Variants in GABRA5 observed in about 807,000 individuals in gnomAD.
GABRA5 encodes the protein gamma-aminobutyric acid receptor subunit alpha-5.
In GABRA5, 18 loss-of-function variants were observed where a neutral mutation model predicts 47.3. That is an observed-to-expected ratio of 0.38 (90% confidence interval 0.26 to 0.56). GABRA5 has a LOEUF of 0.56. Ranked by LOEUF, GABRA5 falls within the 20% of genes least tolerant of loss-of-function variation. The pLI is 0.71. For missense variants in GABRA5, 365 were observed against 599.3 expected (o/e 0.61, Z 4.08); for synonymous variants, 237 against 229.3 (o/e 1.03, Z -0.30).
chr15:26,892,012 C>G, intron 6 of GABRA5, among the ~76,000 whole-genome samples: 1 of 152,196 alleles, frequency 6.6e-6, no homozygotes, highest in East Asian at 1.9e-4. Context: ...GAGCAGCCAC[C>G]GCCTGGCAGG....
chr15:26,913,335 G>T (rs910789210), intron 6 of GABRA5, among the ~76,000 whole-genome samples: 53 of 152,120 alleles, frequency 3.5e-4, no homozygotes, highest in African/African-American at 1.2e-3. Flanking sequence ...TCGTATCTTT[G>T]ATGGACACAG....
chr15:26,897,231 C>T (rs1010166710), intron 6 of GABRA5, among the ~76,000 whole-genome samples: 2 of 151,962 alleles, frequency 1.3e-5, no homozygotes, highest in African/African-American at 2.4e-5. Context: ...CTGCATTTGG[C>T]GAAGGGGTTC....
intron 7 of GABRA5, among the ~76,000 whole-genome samples, chr15:26,916,461 T>C (rs1441535602): frequency 6.6e-6 from 1 of 152,214 alleles, no homozygotes; most frequent in Non-Finnish European, 1.5e-5. Context: ...TGTGCCATAC[T>C]GTTTTAATTG....
At chr15:26,945,067 A>T (rs558855262) in intron 10 of GABRA5, among the ~76,000 whole-genome samples, 7 of 152,306 alleles carry the variant, frequency 4.6e-5, no homozygotes, top group African/African-American at 1.4e-4. Context: ...GATGAAAGTG[A>T]CCTGCACTGT....
intron 6 of GABRA5, among the ~76,000 whole-genome samples, chr15:26,909,275 A>G (rs935227865): frequency 2.6e-5 from 4 of 152,178 alleles, no homozygotes; most frequent in Non-Finnish European, 4.4e-5. Flanking sequence ...TTCCTCTTCT[A>G]CGTGGCCTCG....
chr15:26,892,625 G>A (rs1893036015), intron 6 of GABRA5, among the ~76,000 whole-genome samples: 2 of 152,252 alleles, frequency 1.3e-5, no homozygotes, highest in South Asian at 4.1e-4. Context: ...AATACCCATT[G>A]CTAATCTAAA....
intron 7 of GABRA5, among the ~76,000 whole-genome samples, chr15:26,919,361 T>C (rs1404247881): frequency 1.3e-5 from 2 of 152,096 alleles, no homozygotes; most frequent in Non-Finnish European, 2.9e-5. Flanking sequence ...TTATTTTTTT[T>C]GTATTGATAT....
chr15:26,871,627 A>C (rs1349471375), intron 3 of GABRA5, among the ~76,000 whole-genome samples: 1 of 152,094 alleles, frequency 6.6e-6, no homozygotes, highest in Non-Finnish European at 1.5e-5. Flanking sequence ...CATGCTTCCC[A>C]TTTGGTGCAC....
At chr15:26,905,505 G>A (rs550659021) in intron 6 of GABRA5, among the ~76,000 whole-genome samples, 31 of 151,942 alleles carry the variant, frequency 2.0e-4, no homozygotes, top group African/African-American at 7.5e-4. Flanking sequence ...AGTTTATTGA[G>A]TTTCTTTTCC....
Position 26,883,255 on chromosome 15 carries a change from G to A in GABRA5, c.276+22G>A, listed in dbSNP as rs761065380. 23 of 1,613,468 alleles carry A rather than the reference G, an allele frequency of 1.4e-5. No homozygotes were observed. The highest frequency in any genetic ancestry group is 1.9e-5 in the Non-Finnish European group (22 of 1,179,438). Reference sequence around the variant, plus strand: ...AATGGTAGGTCCCGGGGCATGGCTGGGCAGACAATTCTTACTCCGCGCCGC... The same window carrying A: ...AATGGTAGGTCCCGGGGCATGGCTGAGCAGACAATTCTTACTCCGCGCCGC... On this transcript the variant is annotated intron_variant, in intron 5 of 10. Transcript: ENST00000335625. The surrounding 1 kb of genome is among the most constrained non-coding windows in gnomAD (Gnocchi z 4.8).
intron 3 of GABRA5, among the ~76,000 whole-genome samples, 193 bp downstream of exon 3, chr15:26,869,527 C>A (rs150314153): frequency 6.6e-6 from 1 of 152,118 alleles, no homozygotes; most frequent in Non-Finnish European, 1.5e-5. Context: ...CTGCTCCTCA[C>A]GTGGGGTCTC....
chr15:26,901,503 G>C (rs1433852619), intron 6 of GABRA5, among the ~76,000 whole-genome samples: 1 of 151,914 alleles, frequency 6.6e-6, no homozygotes, highest in East Asian at 1.9e-4. Flanking sequence ...TTTTTAATTG[G>C]GTTGTTTTCT....
In GABRA5 at chr15:26,883,233, G is replaced by T. The variant is rs1270424788; in HGVS notation, c.276G>T (p.Met92Ile). The change falls in exon 5 of 11, where the codon ATG (methionine) becomes ATT (isoleucine). Residue 92 changes from methionine (M) to isoleucine (I), a missense_variant and splice_region_variant. Met to Ile is a conservative substitution (Grantham distance 10). Coordinates refer to ENST00000335625, the MANE Select transcript of GABRA5 (RefSeq NM_000810.4). The surrounding 1 kb of genome is among the most constrained non-coding windows in gnomAD (Gnocchi z 4.8). ...TCGGCCCGGTGTCCGACACGGAAAT[G>T]GTAGGTCCCGGGGCATGGCTGGGCA... Reference protein sequence around the residue: ...TSFGPVSDTEMEYTIDVFFRQ... With the variant: ...TSFGPVSDTEIEYTIDVFFRQ... 1 of 1,613,810 alleles carries T rather than the reference G, an allele frequency of 6.2e-7. No homozygotes were observed.
intron 6 of GABRA5, among the ~76,000 whole-genome samples, chr15:26,906,235 T>C (rs1327776010): frequency 2.0e-5 from 3 of 152,182 alleles, no homozygotes; most frequent in East Asian, 3.9e-4. Context: ...GGCCACTCTT[T>C]CCTTAGTTCA....
At chr15:26,914,985 T>C (rs1051689518) in intron 7 of GABRA5, 100 bp downstream of exon 7, 5 of 894,974 alleles carry the variant, frequency 5.6e-6, no homozygotes, top group Non-Finnish European at 7.3e-6. Context: ...ATAAGCACAA[T>C]AGGATGCAGT....
In GABRA5 at chr15:26,938,957, C is replaced by T. The variant is rs192252458; in HGVS notation, c.725-968C>T. 2.5e-4 allele frequency among the ~76,000 whole-genome samples: 38 copies of T among 152,346 alleles called. 1 individual carries two copies. The highest frequency in any genetic ancestry group is 8.2e-4 in the African/African-American group (34 of 41,574). On this transcript the variant is annotated intron_variant, in intron 8 of 10. Transcript: ENST00000335625. ...GCTGTCAGACTCTAATGTCCCAACA[C>T]GCAGTCCCTGCAGCAGCAGACCACT... is the stretch of plus-strand genomic sequence containing the variant.
At chr15:26,943,124 T>A (rs1369234557) in intron 9 of GABRA5, 91 bp from the exon 10 acceptor site, 10 of 809,648 alleles carry the variant, frequency 1.2e-5, no homozygotes, top group Non-Finnish European at 1.9e-5. Context: ...CCCCTTTGTG[T>A]CTATCACTTT....
chr15:26,892,366 AG>A (rs1432286331), intron 6 of GABRA5, among the ~76,000 whole-genome samples: 1 of 152,014 alleles, frequency 6.6e-6, no homozygotes, highest in African/African-American at 2.4e-5. Flanking sequence ...GGGGAAATGC[AG>A]CCCCGTGGCA....
At chr15:26,885,167 C>T (rs113561863) in intron 6 of GABRA5, among the ~76,000 whole-genome samples, 16,565 of 151,910 alleles carry the variant, frequency 0.11, 990 homozygotes, top group East Asian at 0.17. Context: ...GGCGTGGTGG[C>T]GGATGCCTGC....
Sources: gnomAD v4.1 joint callset for allele counts (sites outside exome capture counted in the v4.1 genomes callset) on GRCh38, gnomAD v4.1.1 for gene constraint, Gnocchi (gnomAD v3.1) non-coding constraint, MANE v1.5 for transcripts, NCBI Gene and HGNC (gene_info 2026-07-23, HGNC 2026-07-21) for gene names.